Variants in PRKCE observed in about 807,000 individuals in gnomAD.
PRKCE encodes the protein protein kinase C epsilon, also known as protein kinase C epsilon type.
A neutral mutation model predicts 85.4 loss-of-function variants in PRKCE; 16 were observed. The observed-to-expected ratio is 0.19, with a 90% CI of 0.13 to 0.28. The LOEUF (loss-of-function observed/expected upper bound fraction) is 0.28, where lower values mean the gene tolerates loss of function less well. Among genes scored for constraint, PRKCE ranks in the 10% least tolerant of loss-of-function variants. PRKCE has a pLI of 1.00. For synonymous variants in PRKCE, 388 were observed against 371.5 expected (o/e 1.04, Z -0.51); for missense variants, 573 against 975.2 (o/e 0.59, Z 5.49).
At chr2:46,017,621 C>T (rs1456617806) in intron 10 of PRKCE, among the ~76,000 whole-genome samples, 2 of 152,122 alleles carry the variant, frequency 1.3e-5, no homozygotes, top group Non-Finnish European at 2.9e-5. Context: ...TTTGAGGAAC[C>T]GCTATACTGT....
intron 10 of PRKCE, among the ~76,000 whole-genome samples, chr2:46,083,754 A>G (rs1426101085): frequency 6.6e-6 from 1 of 152,238 alleles, no homozygotes; most frequent in Non-Finnish European, 1.5e-5. Flanking sequence ...TGGGGGGCTC[A>G]GGAATCCATG....
intron 1 of PRKCE, among the ~76,000 whole-genome samples, chr2:45,736,273 T>G (rs928307064): frequency 5.3e-5 from 8 of 152,146 alleles, no homozygotes; most frequent in African/African-American, 1.9e-4. Context: ...CATACACATT[T>G]TTATTCTTAT....
chr2:45,899,801 G>A (rs985426797), intron 2 of PRKCE, among the ~76,000 whole-genome samples: 6 of 152,222 alleles, frequency 3.9e-5, no homozygotes, highest in Non-Finnish European at 4.4e-5. Context: ...TCCACTTGCT[G>A]TTGACCAGGG....
rs887198929 is a variant in PRKCE at position 46,010,317 on chromosome 2, T to G, written c.1264-27T>G. 4 of 1,575,294 alleles carry G rather than the reference T, an allele frequency of 2.5e-6. No homozygotes were observed. The Admixed American group carries it at 5.1e-5, about 20-fold the overall frequency. Reference sequence around the variant, plus strand: ...TCTTTTTATTCCATACATGCATAGATTGATGGAGGCAATTGATTGATTGCA... The same window carrying G: ...TCTTTTTATTCCATACATGCATAGAGTGATGGAGGCAATTGATTGATTGCA... On this transcript the variant is annotated intron_variant, in intron 9 of 14. Transcript: ENST00000306156.
At chr2:46,150,677 G>T (rs1283398513) in intron 12 of PRKCE, among the ~76,000 whole-genome samples, 2 of 152,162 alleles carry the variant, frequency 1.3e-5, no homozygotes, top group African/African-American at 4.8e-5. Flanking sequence ...GTCACTTACA[G>T]CTTGTTCTCT....
At position 46,129,569 on chromosome 2, in the gene PRKCE, G is replaced by GT. The variant is rs1173833083; in HGVS notation, c.1593-15517dup. Among the ~76,000 whole-genome samples, 5 of 152,230 alleles carry GT rather than the reference G, an allele frequency of 3.3e-5. No individual in the cohort carries two copies. In the East Asian group the frequency reaches 9.6e-4, roughly 29 times the overall value. On this transcript the variant is annotated intron_variant, in intron 11 of 14. Coordinates refer to ENST00000306156, the MANE Select transcript of PRKCE (RefSeq NM_005400.3). ...AATATTTGAATACATGAGTGTATGG[G>GT]TTTTTTTCTATGAAAAGGAGCAAGC...
At chr2:45,897,750 A>G (rs1036858926) in intron 2 of PRKCE, among the ~76,000 whole-genome samples, 9 of 152,352 alleles carry the variant, frequency 5.9e-5, no homozygotes, top group Admixed American at 5.2e-4. Flanking sequence ...TGGAGAAAAC[A>G]GCAATATGGT....
chr2:45,937,696 C>G (rs1274932772), intron 2 of PRKCE, among the ~76,000 whole-genome samples: 3 of 150,934 alleles, frequency 2.0e-5, no homozygotes, highest in African/African-American at 4.9e-5. Context: ...GCCTGGGTGA[C>G]AAAGTGAGAC....
intron 10 of PRKCE, among the ~76,000 whole-genome samples, chr2:46,057,518 T>TC (rs1666697234): frequency 6.6e-6 from 1 of 151,492 alleles, no homozygotes; most frequent in African/African-American, 2.4e-5. Context: ...CACTGCAACC[T>TC]CCACCTCCCA....
At chr2:45,842,400 T>G (rs1443973661) in intron 1 of PRKCE, among the ~76,000 whole-genome samples, 1 of 152,178 alleles carries the variant, frequency 6.6e-6, no homozygotes, top group Non-Finnish European at 1.5e-5. Context: ...AACTCCACAA[T>G]GAGATGATAA....
intron 2 of PRKCE, among the ~76,000 whole-genome samples, chr2:45,936,557 TA>T (rs1699476332): frequency 6.6e-6 from 1 of 152,096 alleles, no homozygotes; most frequent in African/African-American, 2.4e-5. Context: ...AAACATTGAC[TA>T]GTGTGCCCCC....
At chr2:45,910,888 T>C (rs942203526) in intron 2 of PRKCE, among the ~76,000 whole-genome samples, 2 of 152,100 alleles carry the variant, frequency 1.3e-5, no homozygotes, top group Admixed American at 6.5e-5. Flanking sequence ...ACCGTACAAC[T>C]TGAAGGCCTG....
intron 1 of PRKCE, among the ~76,000 whole-genome samples, chr2:45,785,987 G>T (rs926876694): frequency 1.3e-5 from 2 of 152,078 alleles, no homozygotes; most frequent in African/African-American, 2.4e-5. Flanking sequence ...CCTTCCTAGG[G>T]TTCTGCTGCA....
At chr2:46,108,126 C>T (rs944657248) in intron 11 of PRKCE, among the ~76,000 whole-genome samples, 2 of 152,128 alleles carry the variant, frequency 1.3e-5, no homozygotes, top group African/African-American at 4.8e-5. Context: ...CAGGGTGTCG[C>T]TCTGTTGCCC....
chr2:45,909,401 C>T (rs1697216910), intron 2 of PRKCE, among the ~76,000 whole-genome samples: 1 of 141,302 alleles, frequency 7.1e-6, no homozygotes, highest in African/African-American at 2.4e-5. Context: ...CAGTACTGTG[C>T]ATCATAATCT....
At chr2:45,764,232 G>C (rs1684733159) in intron 1 of PRKCE, among the ~76,000 whole-genome samples, 1 of 152,148 alleles carries the variant, frequency 6.6e-6, no homozygotes, top group Non-Finnish European at 1.5e-5. Flanking sequence ...CCACCTGTAC[G>C]AATGTCCGTA....
chr2:46,076,295 A>G (rs1201736958), intron 10 of PRKCE, among the ~76,000 whole-genome samples: 1 of 152,218 alleles, frequency 6.6e-6, no homozygotes, highest in Non-Finnish European at 1.5e-5. Flanking sequence ...GTGCTGTCAT[A>G]TCATGTGATA....
In PRKCE at chr2:45,997,884, A is replaced by G. The variant is rs562795860; in HGVS notation, c.824-3520A>G. The stretch of plus-strand genomic sequence containing the variant: ...TTTAATTAATTCAAAATATTTTAAA[A>G]CTTATCTTGAGATTTCTTTTCTCAC... On this transcript the variant is annotated intron_variant, in intron 6 of 14. Transcript: ENST00000306156. 3.7e-4 allele frequency among the ~76,000 whole-genome samples: 56 copies of G among 152,164 alleles called. No homozygotes were observed. In the South Asian group the frequency reaches 0.012, roughly 32 times the overall value.
In PRKCE at chr2:46,084,087, C is replaced by T. The variant is rs1354113321; in HGVS notation, c.1438-2121C>T. On this transcript the variant is annotated intron_variant, in intron 10 of 14. Coordinates refer to ENST00000306156, the MANE Select transcript of PRKCE (RefSeq NM_005400.3). ...AGTGGAGAATGGATGATTGAATAAA[C>T]AGTGGGCAAGGCAGCCCATGTACTT... 2.0e-5 allele frequency among the ~76,000 whole-genome samples: 3 copies of T among 152,142 alleles called. No homozygotes were observed. In the East Asian group the frequency reaches 5.8e-4, roughly 29 times the overall value.
Sources: gnomAD v4.1 joint callset for allele counts (sites outside exome capture counted in the v4.1 genomes callset) on GRCh38, gnomAD v4.1.1 for gene constraint, MANE v1.5 for transcripts, NCBI Gene and HGNC (gene_info 2026-07-23, HGNC 2026-07-21) for gene names.